The following PTK7 variants were observed in gnomAD, a reference collection of about 807,000 sequenced individuals.
PTK7 encodes inactive tyrosine-protein kinase 7.
In PTK7, 39 loss-of-function variants were observed where a neutral mutation model predicts 116.6. That is an observed-to-expected ratio of 0.33 (90% confidence interval 0.26 to 0.44). The LOEUF is 0.44. Ranked by LOEUF, PTK7 falls within the 20% of genes least tolerant of loss-of-function variation. PTK7 has a pLI of 1.00. For synonymous variants in PTK7, 546 were observed against 563.6 expected (o/e 0.97, Z 0.44); for missense variants, 1,169 against 1,425.6 (o/e 0.82, Z 2.90).
chr6:43,141,711 C>T lies in PTK7; in HGVS notation c.1662C>T (p.Thr554=), dbSNP rs746648816. ...AGTGGGTGACAGACAACGCTGGGAC[C>T]CTGCATTTTGCCCGGGTGACTCGAG... ...LPEWVTDNAG[T]LHFARVTRDD... is the part of the protein sequence containing the mutation. The change falls in exon 11 of 20, where the codon ACC becomes ACT. Residue 554 remains threonine, a synonymous_variant. Coordinates refer to ENST00000230419, the MANE Select transcript of PTK7 (RefSeq NM_002821.5). The surrounding 1 kb of genome is among the most constrained non-coding windows in gnomAD (Gnocchi z 4.9). The T allele has an allele frequency of 1.2e-6, 2 of 1,614,140 alleles. No individual in the cohort carries two copies. The highest frequency in any genetic ancestry group is 2.2e-5 in the South Asian group (2 of 91,082).
At chr6:43,101,225 A>AGAAAGAAAGAAAGAAAG (rs1554148827) in intron 1 of PTK7, among the ~76,000 whole-genome samples, 1 of 146,256 alleles carries the variant, frequency 6.8e-6, no homozygotes, top group Non-Finnish European at 1.5e-5. Flanking sequence ...CAAAAAAAAA[A>AGAAAGAAAGAAAGAAAG]AAAGAAAGAA....
chr6:43,150,786 G>GTTT (rs1771016233), intron 17 of PTK7, among the ~76,000 whole-genome samples: 3 of 85,574 alleles, frequency 3.5e-5, no homozygotes, highest in South Asian at 4.7e-4. Context: ...TGTAGACTCA[G>GTTT]CTTTTTTTTT....
chr6:43,144,905 T>C, intron 15 of PTK7: 2 of 417,696 alleles, frequency 4.8e-6, no homozygotes, highest in Non-Finnish European at 8.4e-6. Flanking sequence ...TGAGAAATCA[T>C]GGGTTTGTCA....
intron 1 of PTK7, among the ~76,000 whole-genome samples, chr6:43,081,781 G>A (rs1299490171): frequency 6.6e-6 from 1 of 152,174 alleles, no homozygotes; most frequent in Non-Finnish European, 1.5e-5. Context: ...GATCAAGGGT[G>A]GAGTTAAATA....
chr6:43,144,841 T>C (rs1770633869), intron 15 of PTK7: 1 of 435,286 alleles, frequency 2.3e-6, no homozygotes, highest in African/African-American at 2.0e-5. Context: ...ATGTTTTATT[T>C]AAATTGACTC....
intron 1 of PTK7, among the ~76,000 whole-genome samples, chr6:43,104,484 C>T (rs2150394266): frequency 6.6e-6 from 1 of 152,204 alleles, no homozygotes; most frequent in East Asian, 1.9e-4. Flanking sequence ...GAGCTAGGCC[C>T]ATTGTAACCT....
chr6:43,137,823 T>C (rs969005555), intron 7 of PTK7, among the ~76,000 whole-genome samples: 4 of 152,216 alleles, frequency 2.6e-5, no homozygotes, highest in Non-Finnish European at 4.4e-5. Flanking sequence ...TATCTTTTAT[T>C]TGAGATGGAG....
intron 1 of PTK7, among the ~76,000 whole-genome samples, chr6:43,120,165 A>G (rs1483243392): frequency 2.0e-5 from 3 of 152,186 alleles, no homozygotes; most frequent in Admixed American, 6.5e-5. Context: ...GTTGGCCAAG[A>G]TGGATAAATG....
intron 1 of PTK7, among the ~76,000 whole-genome samples, chr6:43,083,235 G>A (rs1766473394): frequency 6.6e-6 from 1 of 152,236 alleles, no homozygotes; most frequent in African/African-American, 2.4e-5. Context: ...CTCTGCTGCT[G>A]TGCCTGGGCA....
At chr6:43,084,674 G>T (rs1415041955) in intron 1 of PTK7, among the ~76,000 whole-genome samples, 1 of 152,240 alleles carries the variant, frequency 6.6e-6, no homozygotes, top group Non-Finnish European at 1.5e-5. Context: ...AGACAAGATG[G>T]AGAAACGTGA....
intron 15 of PTK7, 132 bp downstream of exon 15, chr6:43,144,738 GATCT>G: frequency 8.5e-7 from 1 of 1,183,142 alleles, no homozygotes; most frequent in Non-Finnish European, 1.2e-6. Flanking sequence ...CATAGGTAGA[GATCT>G]AGCCCAGTGT....
chr6:43,149,053 T>G (rs1296634243), intron 17 of PTK7, among the ~76,000 whole-genome samples: 1 of 88,790 alleles, frequency 1.1e-5, no homozygotes, highest in African/African-American at 5.0e-5. Context: ...GAGCAAGACT[T>G]TGTCTCAAAA....
chr6:43,094,773 C>A (rs903436383), intron 1 of PTK7, among the ~76,000 whole-genome samples: 1 of 151,880 alleles, frequency 6.6e-6, no homozygotes, highest in Non-Finnish European at 1.5e-5. Context: ...CTACTGCGCC[C>A]GGCCACAAAA....
intron 1 of PTK7, among the ~76,000 whole-genome samples, chr6:43,116,126 G>C (rs1014384011): frequency 6.6e-6 from 1 of 152,018 alleles, no homozygotes; most frequent in South Asian, 2.1e-4. Flanking sequence ...TAGTCTTATA[G>C]GCCTGAGTGG....
rs1208523755 is a variant in PTK7 at position 43,130,617 on chromosome 6, G to A, written c.768G>A (p.Leu256=). The A allele has an allele frequency of 1.9e-6, 3 of 1,614,106 alleles. No individual in the cohort carries two copies. The highest frequency in any genetic ancestry group is 2.7e-5 in the African/African-American group (2 of 74,930). The change falls in exon 5 of 20, where the codon CTG becomes CTA. Residue 256 remains leucine (L), a synonymous_variant. Coordinates refer to ENST00000230419, the MANE Select transcript of PTK7 (RefSeq NM_002821.5). The part of the protein sequence containing the change: ...CQFSAQPPPS[L]QWLFEDETPI... ...TCTCAGCCCAGCCACCCCCGAGCCT[G>A]CAGTGGCTCTTTGAGGATGAGACTC...
chr6:43,132,235 C>G, intron 6 of PTK7, 71 bp downstream of exon 6: 1 of 1,536,860 alleles, frequency 6.5e-7, no homozygotes, highest in South Asian at 1.3e-5. Flanking sequence ...GAGATTTAGG[C>G]TTCTGTTTTT....
rs533160386 is a variant in PTK7 at position 43,129,905 on chromosome 6, G to A, written c.470+76G>A. The A allele has an allele frequency of 1.9e-4, 260 of 1,370,748 alleles. No homozygotes were observed. The highest frequency in any genetic ancestry group is 1.7e-3 in the African/African-American group (119 of 70,078). 84.9% of individuals were successfully genotyped at this position (1,370,748 alleles called of 1,614,324 possible). A position where few individuals can be genotyped will look rare whatever the true frequency, so the allele number is the denominator to read the frequency against. ...TCTCCCCAAATCTTGGACTCTATGC[G>A]GATGTTACCTCGCTCCATTCTGTGA... is the stretch of plus-strand genomic sequence containing the variant. On this transcript the variant is annotated intron_variant, in intron 3 of 19. Transcript: ENST00000230419. The surrounding 1 kb of genome is among the most constrained non-coding windows in gnomAD (Gnocchi z 4.5).
At chr6:43,115,904 G>A (rs1465236107) in intron 1 of PTK7, among the ~76,000 whole-genome samples, 1 of 147,208 alleles carries the variant, frequency 6.8e-6, no homozygotes, top group Non-Finnish European at 1.5e-5. Context: ...CTCCAAACTG[G>A]GTGACAGAAC....
In PTK7 at chr6:43,076,987, G is replaced by A. The variant is rs574439199; in HGVS notation, c.79+420G>A. 1.2e-4 allele frequency: 185 copies of A among 1,480,202 alleles called. 1 individual carries two copies. In the South Asian group the frequency reaches 2.3e-3, roughly 18 times the overall value. 91.7% of individuals were successfully genotyped at this position (1,480,202 alleles called of 1,614,324 possible). On this transcript the variant is annotated intron_variant, in intron 1 of 19. Transcript: ENST00000230419. This position sits in a 1 kb window ranked among gnomAD's most constrained non-coding sequence, Gnocchi z 5.7. ...ACCCCACCCGGCAGGGTCGGCCCAGGTAAGAGTTGCTGGTTTGGGGCCCGA... is the reference window on the plus strand; with the variant it reads ...ACCCCACCCGGCAGGGTCGGCCCAGATAAGAGTTGCTGGTTTGGGGCCCGA...
Sources: allele counts gnomAD v4.1 joint callset (sites outside exome capture counted in the v4.1 genomes callset), GRCh38; gene constraint gnomAD v4.1.1; non-coding constraint Gnocchi (gnomAD v3.1); transcripts MANE v1.5; gene names NCBI Gene and HGNC (gene_info 2026-07-23, HGNC 2026-07-21).